The following ZNF468 variants were observed in gnomAD, a reference collection of about 807,000 sequenced individuals.
ZNF468 encodes zinc finger protein 468.
In ZNF468, 8 loss-of-function variants were observed where a neutral mutation model predicts 7.2. The ratio of observed to expected loss-of-function variants is 1.11; its 90% confidence interval spans 0.65 to 2.01. ZNF468 has a LOEUF of 2.01. Among genes scored for constraint, ZNF468 ranks in the 30% most tolerant of loss-of-function variants. The probability of loss-of-function intolerance (pLI) is 0.00; values close to 1 mark genes in which losing one functional copy is unlikely to be tolerated. For missense variants in ZNF468, 608 were observed against 626.5 expected (o/e 0.97, Z 0.31); for synonymous variants, 218 against 214.4 (o/e 1.02, Z -0.15).
At chr19:52,850,696 G>A (rs1195084560) in intron 2 of ZNF468, among the ~76,000 whole-genome samples, 12 of 151,772 alleles carry the variant, frequency 7.9e-5, no homozygotes, top group Non-Finnish European at 1.0e-4. Context: ...TCAGGAGATC[G>A]AGACCATCCT....
intron 2 of ZNF468, among the ~76,000 whole-genome samples, chr19:52,853,231 T>C (rs754713620): frequency 2.9e-4 from 44 of 152,078 alleles, no homozygotes; most frequent in Non-Finnish European, 5.4e-4. Flanking sequence ...AACACAGAAC[T>C]GACAGGAGTG....
In ZNF468 at chr19:52,841,740, T is replaced by C; in HGVS notation, c.554A>G (p.Lys185Arg). 6.2e-7 allele frequency: 1 copy of C among 1,614,120 alleles called. No homozygotes were observed. The highest frequency in any genetic ancestry group is 2.2e-5 in the East Asian group (1 of 44,862). Residue 185 changes from lysine to arginine, a missense_variant, in exon 4 of 4, where the codon AAA (lysine) becomes AGA (arginine). Lys to Arg is a conservative substitution (Grantham distance 26, BLOSUM62 2). Transcript: ENST00000595646. ...TCCATACTTATTAGAAATATGGGTT[T>C]TGGGCCTACAACAAATTCTTTGGGA... ...STSQRICCRPKTHISNKYGNN... is the reference protein window; with the variant it reads ...STSQRICCRPRTHISNKYGNN...
At position 52,841,251 on chromosome 19, in the gene ZNF468, A is replaced by T; in HGVS notation, c.1043T>A (p.Leu348His). Residue 348 changes from leucine to histidine, a missense_variant, in exon 4 of 4, where the codon CTT becomes CAT. Transcript: ENST00000595646. ...TGTGTAAGGTTTCTCTCCAGTGTGA[A>T]GTATAGTATGTTTTGCCAGATATGA... ...YNSYLAKHTI[L>H]HTGEKPYTCN... 1 of 1,613,246 alleles carries T rather than the reference A, an allele frequency of 6.2e-7. No homozygotes were observed. The highest frequency in any genetic ancestry group is 1.1e-5 in the South Asian group (1 of 91,038).
chr19:52,855,254 A>G (rs1733868173), intron 1 of ZNF468, among the ~76,000 whole-genome samples: 2 of 142,794 alleles, frequency 1.4e-5, no homozygotes, highest in South Asian at 5.2e-4. Context: ...ATAGACACTG[A>G]TGGGTAGAGG....
rs2063351920 is a variant in ZNF468, at chr19:52,847,675, C to T, written c.142+1412G>A. ...CTGGCAGCAATACTGCTCTGTTACT[C>T]TTTCCTACACTGAGATGTTTGTGTG... On this transcript the variant is annotated intron_variant, in intron 3 of 3. Coordinates refer to ENST00000595646, the MANE Select transcript of ZNF468 (RefSeq NM_001008801.2). Among the ~76,000 whole-genome samples the T allele has an allele frequency of 2.0e-5, 3 of 152,284 alleles. No homozygotes were observed. The South Asian group carries it at 6.2e-4, about 32-fold the overall frequency.
chr19:52,852,625 G>C (rs563832980), intron 2 of ZNF468, among the ~76,000 whole-genome samples: 2 of 151,260 alleles, frequency 1.3e-5, no homozygotes, highest in East Asian at 2.0e-4. Context: ...GCAGTGAGCC[G>C]AGATCACACC....
intron 2 of ZNF468, 116 bp downstream of exon 2, chr19:52,854,142 A>C (rs781665168): frequency 1.3e-6 from 2 of 1,597,608 alleles, no homozygotes; most frequent in Non-Finnish European, 1.7e-6. Context: ...GGAAGGCATA[A>C]GTGAGGGTGA....
At position 52,841,804 on chromosome 19, in the gene ZNF468, C is replaced by T; in HGVS notation, c.490G>A (p.Val164Ile). ...FQSEGKIGNQ[V>I]EKSINNASSV... The stretch of plus-strand genomic sequence containing the variant: ...GAAGCATTGTTGATAGACTTCTCAA[C>T]TTGATTACCAATTTTCCCTTCAGAC... The change falls in exon 4 of 4, where the codon GTT becomes ATT. Residue 164 changes from valine to isoleucine, a missense_variant. Val to Ile is a conservative substitution (Grantham distance 29). Coordinates refer to ENST00000595646, the MANE Select transcript of ZNF468 (RefSeq NM_001008801.2). The T allele has an allele frequency of 1.9e-6, 3 of 1,614,084 alleles. No individual in the cohort carries two copies. Among genetic ancestry groups the T allele is most frequent in the South Asian group, 2.2e-5 (2 of 91,064 alleles).
At chr19:52,854,152 A>C in intron 2 of ZNF468, 106 bp downstream of exon 2, 1 of 1,601,830 alleles carries the variant, frequency 6.2e-7, no homozygotes, top group Non-Finnish European at 8.5e-7. Flanking sequence ...AGTGAGGGTG[A>C]GCAAACATGT....
chr19:52,854,564 C>T (rs2063420127), intron 1 of ZNF468, among the ~76,000 whole-genome samples: 2 of 152,102 alleles, frequency 1.3e-5, no homozygotes, highest in South Asian at 4.1e-4. Context: ...GATGAGCTCC[C>T]CTTCAGGAAA....
At position 52,840,698 on chromosome 19, in the gene ZNF468, G is replaced by T. The variant is rs1446156045; in HGVS notation, c.*27C>A. ...TGACTTACAGGGTTGAATTGTGATG[G>T]AAGGTCTTGCCACACTCATTACACT... On this transcript the variant is annotated 3_prime_UTR_variant, in exon 4 of 4. Transcript: ENST00000595646. 1 of 1,611,274 alleles carries T rather than the reference G, an allele frequency of 6.2e-7. No homozygotes were observed. Among genetic ancestry groups the T allele is most frequent in the Admixed American group, 1.7e-5 (1 of 59,848 alleles).
At chr19:52,850,726 C>T (rs1221782985) in intron 2 of ZNF468, among the ~76,000 whole-genome samples, 11 of 151,558 alleles carry the variant, frequency 7.3e-5, no homozygotes, top group East Asian at 3.9e-4. Flanking sequence ...GGTGAAACCC[C>T]ATCTCTACTA....
chr19:52,855,012 A>AAAATAC (rs150544698), intron 1 of ZNF468, among the ~76,000 whole-genome samples: 31,482 of 148,614 alleles, frequency 0.21, 3,078 homozygotes, highest in South Asian at 0.29. Context: ...AAAATAAAAT[A>AAAATAC]AAATACAAAT....
At chr19:52,850,717 G>A (rs550804275) in intron 2 of ZNF468, among the ~76,000 whole-genome samples, 22 of 151,868 alleles carry the variant, frequency 1.4e-4, no homozygotes, top group African/African-American at 5.1e-4. Context: ...GGCTAACACG[G>A]TGAAACCCCA....
chr19:52,850,511 CA>C (rs1356873082), intron 2 of ZNF468, among the ~76,000 whole-genome samples: 3 of 152,124 alleles, frequency 2.0e-5, no homozygotes, highest in African/African-American at 7.2e-5. Flanking sequence ...AATCAAATAT[CA>C]AAGTAAAATA....
chr19:52,851,926 A>ATG (rs1231635014), intron 2 of ZNF468, among the ~76,000 whole-genome samples: 1 of 152,098 alleles, frequency 6.6e-6, no homozygotes, highest in Non-Finnish European at 1.5e-5. Context: ...ATATGTATAG[A>ATG]TGTGTGTGTA....
At chr19:52,847,005 A>G (rs547542143) in intron 3 of ZNF468, among the ~76,000 whole-genome samples, 1 of 152,028 alleles carries the variant, frequency 6.6e-6, no homozygotes, top group African/African-American at 2.4e-5. Flanking sequence ...TGTCATAAAA[A>G]AAAGAAAGAA....
intron 3 of ZNF468, among the ~76,000 whole-genome samples, chr19:52,848,654 G>A (rs1197576544): frequency 1.3e-5 from 2 of 152,108 alleles, no homozygotes; most frequent in East Asian, 3.9e-4. Context: ...GGGTTTAAGT[G>A]ATTCTCTTTA....
Position 52,841,627 on chromosome 19 carries a change from A to G in ZNF468, c.667T>C (p.Ser223Pro). Residue 223 changes from serine to proline, a missense_variant, in exon 4 of 4, where the codon TCC becomes CCC. Ser to Pro is a moderately conservative substitution (Grantham distance 74). Transcript: ENST00000595646. Reference sequence around the variant, plus strand: ...TTTAAGAGTGAGCTGCAATTAAAGGATTTGAAGCTCTGTATACATTCAAAA... The same window carrying G: ...TTTAAGAGTGAGCTGCAATTAAAGGGTTTGAAGCTCTGTATACATTCAAAA... ...KSFECIQSFK[S>P]FNCSSLLKKH... The G allele has an allele frequency of 1.9e-6, 3 of 1,614,042 alleles. 1 individual carries two copies. The highest frequency in any genetic ancestry group is 1.7e-6 in the Non-Finnish European group (2 of 1,180,014).
Sources: gnomAD v4.1 joint callset for allele counts (sites outside exome capture counted in the v4.1 genomes callset) on GRCh38, gnomAD v4.1.1 for gene constraint, MANE v1.5 for transcripts, NCBI Gene and HGNC (gene_info 2026-07-23, HGNC 2026-07-21) for gene names.